Variants in PRKN observed in about 807,000 individuals in gnomAD.
The protein encoded by PRKN is E3 ubiquitin-protein ligase parkin.
PRKN carries 56 observed loss-of-function variants against 59.5 expected under a neutral mutation model. The observed-to-expected ratio is 0.94, with a 90% confidence interval of 0.76 to 1.18. The LOEUF is 1.18. Among genes scored for constraint, PRKN ranks in the 50% most tolerant of loss-of-function variants. The pLI is 0.00. For synonymous variants in PRKN, 250 were observed against 222.1 expected, an observed-to-expected ratio of 1.13 and a Z score of -1.12; for missense variants, 657 against 596.4, an observed-to-expected ratio of 1.10 and a Z score of -1.06.
At chr6:161,481,833 T>C (rs550247863) in intron 9 of PRKN, among the ~76,000 whole-genome samples, 32 of 152,140 alleles carry the variant, frequency 2.1e-4, no homozygotes, top group African/African-American at 7.2e-4. Context: ...TCCTCTGTCA[T>C]TTTCTTCTCT....
intron 1 of PRKN, among the ~76,000 whole-genome samples, chr6:162,726,829 T>G (rs1300049749): frequency 2.6e-5 from 4 of 152,128 alleles, no homozygotes; most frequent in African/African-American, 9.7e-5. Flanking sequence ...AGCACTGTTT[T>G]TCAAACATAT....
chr6:162,260,038 C>A (rs1242121293), intron 3 of PRKN, among the ~76,000 whole-genome samples: 1 of 152,204 alleles, frequency 6.6e-6, no homozygotes, highest in African/African-American at 2.4e-5. Context: ...TTTTCCCAAT[C>A]TTTACAGATG....
chr6:161,440,959 G>C lies in PRKN; in HGVS notation c.1084-54082C>G, dbSNP rs146995232. ...CAGCTGAAAGACAAAGAGAAAGATG[G>C]GATTGTTCTTGCAAAATCTCATTGG... On this transcript the variant is annotated intron_variant, in intron 9 of 11. Coordinates refer to ENST00000366898, the MANE Select transcript of PRKN (RefSeq NM_004562.3). The surrounding 1 kb of genome is among the most constrained non-coding windows in gnomAD (Gnocchi z 4.1). Among the ~76,000 whole-genome samples the C allele has an allele frequency of 1.1e-4, 17 of 152,264 alleles. No homozygotes were observed. The highest frequency in any genetic ancestry group is 4.1e-4 in the African/African-American group (17 of 41,554).
chr6:161,349,988 G>C lies in PRKN; in HGVS notation c.*111C>G. 1 of 764,820 alleles carries C rather than the reference G, an allele frequency of 1.3e-6. No homozygotes were observed. Among genetic ancestry groups the C allele is most frequent in the South Asian group, 1.5e-5 (1 of 68,508 alleles). 47.4% of individuals were successfully genotyped at this position (764,820 alleles called of 1,614,324 possible). A position where few individuals can be genotyped will look rare whatever the true frequency, so the allele number is the denominator to read the frequency against. On this transcript the variant is annotated 3_prime_UTR_variant, in exon 12 of 12. Coordinates refer to ENST00000366898, the MANE Select transcript of PRKN (RefSeq NM_004562.3). The surrounding 1 kb of genome is among the most constrained non-coding windows in gnomAD (Gnocchi z 5.5). ...ACTTTGAAAAAAACTTGAAGAGTGT[G>C]TGTGCGCGCGCGCGCGTGTGTGTGT...
At chr6:162,620,740 G>T (rs963876366) in intron 1 of PRKN, among the ~76,000 whole-genome samples, 4 of 101,128 alleles carry the variant, frequency 4.0e-5, no homozygotes, top group Non-Finnish European at 6.4e-5. Context: ...TTTTAATAAA[G>T]ATGGGGTCTT....
chr6:161,850,911 T>G (rs9365329), intron 6 of PRKN, among the ~76,000 whole-genome samples: 36,680 of 152,048 alleles, frequency 0.24, 5,001 homozygotes, highest in South Asian at 0.33. Flanking sequence ...GTTTCCAATC[T>G]CCTTTAAATA....
intron 2 of PRKN, among the ~76,000 whole-genome samples, chr6:162,279,711 A>C (rs1390213501): frequency 6.6e-6 from 1 of 152,156 alleles, no homozygotes; most frequent in East Asian, 1.9e-4. Flanking sequence ...AGCTGAGTTC[A>C]AGTCCTGAAT....
chr6:162,212,358 A>G (rs957408967), intron 3 of PRKN, among the ~76,000 whole-genome samples: 1 of 150,336 alleles, frequency 6.7e-6, no homozygotes, highest in African/African-American at 2.4e-5. Context: ...AACCAAAAAG[A>G]ATGTTGTCCC....
chr6:161,395,152 T>C lies in PRKN; in HGVS notation c.1084-8275A>G, dbSNP rs1786699562. Among the ~76,000 whole-genome samples the C allele has an allele frequency of 6.6e-6, 1 of 152,176 alleles. No individual in the cohort carries two copies. Among genetic ancestry groups the C allele is most frequent in the African/African-American group, 2.4e-5 (1 of 41,422 alleles). On this transcript the variant is annotated intron_variant, in intron 9 of 11. Coordinates refer to ENST00000366898, the MANE Select transcript of PRKN (RefSeq NM_004562.3). This position sits in a 1 kb window ranked among gnomAD's most constrained non-coding sequence, Gnocchi z 5.0. ...CACTGTCACCTGTTTGTATAGGTATTGTTCCAGAAATATGTTCTGCACTCA... is the reference window on the plus strand; with the variant it reads ...CACTGTCACCTGTTTGTATAGGTATCGTTCCAGAAATATGTTCTGCACTCA...
At position 161,429,617 on chromosome 6, in the gene PRKN, G is replaced by C. The variant is rs776297884; in HGVS notation, c.1084-42740C>G. ...GAAGCGGGAGGGCCAGGGAGGCCAC[G>C]GAGATGGCTGCTGGTTTCAGGTTTG... On this transcript the variant is annotated intron_variant, in intron 9 of 11. Transcript: ENST00000366898. The surrounding 1 kb of genome is among the most constrained non-coding windows in gnomAD (Gnocchi z 4.2). 6.6e-6 allele frequency among the ~76,000 whole-genome samples: 1 copy of C among 152,232 alleles called. No individual in the cohort carries two copies. Among genetic ancestry groups the C allele is most frequent in the Non-Finnish European group, 1.5e-5 (1 of 68,018 alleles).
chr6:161,486,501 G>A (rs1473613124), intron 9 of PRKN, among the ~76,000 whole-genome samples: 10 of 152,178 alleles, frequency 6.6e-5, no homozygotes, highest in Non-Finnish European at 1.3e-4. Flanking sequence ...TAAGAGGTGA[G>A]TTAACAGAGG....
rs1005732877 is a variant in PRKN, at chr6:162,056,478, G to C, written c.535-2304C>G. Among the ~76,000 whole-genome samples, 2 of 152,154 alleles carry C rather than the reference G, an allele frequency of 1.3e-5. No individual in the cohort carries two copies. The highest frequency in any genetic ancestry group is 2.9e-5 in the Non-Finnish European group (2 of 68,022). ...AAAGAGACTGAGCCTTTTGACGGAG[G>C]CTCTTTACCCCAGACTTCAAAAGGA... is the stretch of plus-strand genomic sequence containing the variant. On this transcript the variant is annotated intron_variant, in intron 4 of 11. Transcript: ENST00000366898. This position sits in a 1 kb window ranked among gnomAD's most constrained non-coding sequence, Gnocchi z 4.9.
At chr6:162,057,256 G>C (rs904546096) in intron 4 of PRKN, among the ~76,000 whole-genome samples, 2 of 152,156 alleles carry the variant, frequency 1.3e-5, no homozygotes, top group Non-Finnish European at 2.9e-5. Context: ...TTCAACTTTA[G>C]AGTAACACTG....
At chr6:161,421,866 A>C (rs1382113368) in intron 9 of PRKN, among the ~76,000 whole-genome samples, 3 of 152,180 alleles carry the variant, frequency 2.0e-5, no homozygotes, top group Non-Finnish European at 2.9e-5. Context: ...AGTGGTGTTG[A>C]AGAAATTCTT....
At chr6:162,636,554 G>A (rs1453676084) in intron 1 of PRKN, among the ~76,000 whole-genome samples, 1 of 152,182 alleles carries the variant, frequency 6.6e-6, no homozygotes, top group African/African-American at 2.4e-5. Flanking sequence ...CTATGTTCCT[G>A]CTCAAGATCA....
chr6:162,471,220 C>A (rs963487706), intron 1 of PRKN, among the ~76,000 whole-genome samples: 1 of 151,984 alleles, frequency 6.6e-6, no homozygotes, highest in Admixed American at 6.6e-5. Flanking sequence ...GCCTCAGCCT[C>A]CTGAGTAGCT....
intron 6 of PRKN, among the ~76,000 whole-genome samples, chr6:161,813,361 G>A (rs1330647578): frequency 2.6e-5 from 4 of 152,152 alleles, no homozygotes; most frequent in South Asian, 2.1e-4. Context: ...ACCGGGCTGC[G>A]GCGAGGCGGT....
chr6:162,437,247 C>T (rs768325870), intron 2 of PRKN, among the ~76,000 whole-genome samples: 8 of 152,062 alleles, frequency 5.3e-5, no homozygotes, highest in Non-Finnish European at 1.2e-4. Flanking sequence ...TTAAATATCA[C>T]TCATTGAATA....
rs575767482 is a variant in PRKN at position 161,550,523 on chromosome 6, C to T, written c.934-1520G>A. Among the ~76,000 whole-genome samples, 9 of 152,198 alleles carry T rather than the reference C, an allele frequency of 5.9e-5. No homozygotes were observed. The highest frequency in any genetic ancestry group is 4.1e-4 in the South Asian group (2 of 4,822). ...TGCAAAAGATGGCACTGGCTTGAACCGGGAAGGTAGTGCTGGAGGTAGGAT... is the reference window on the plus strand; with the variant it reads ...TGCAAAAGATGGCACTGGCTTGAACTGGGAAGGTAGTGCTGGAGGTAGGAT... On this transcript the variant is annotated intron_variant, in intron 8 of 11. Transcript: ENST00000366898. This position sits in a 1 kb window ranked among gnomAD's most constrained non-coding sequence, Gnocchi z 4.0.
Sources: allele counts gnomAD v4.1 joint callset (sites outside exome capture counted in the v4.1 genomes callset), GRCh38; gene constraint gnomAD v4.1.1; non-coding constraint Gnocchi (gnomAD v3.1); transcripts MANE v1.5; gene names NCBI Gene and HGNC (gene_info 2026-07-23, HGNC 2026-07-21).